VASH2: variants seen among roughly 807,000 people sequenced by gnomAD.
The protein encoded by VASH2 is tubulinyl-Tyr carboxypeptidase 2.
A neutral mutation model predicts 37.2 loss-of-function variants in VASH2; 28 were observed. The observed-to-expected ratio is 0.75, with a 90% confidence interval of 0.56 to 1.03. VASH2 has a LOEUF of 1.03. VASH2 is among the 50% of genes least tolerant of loss of function. VASH2 has a pLI of 0.00. For missense variants in VASH2, 419 were observed against 459.1 expected, an observed-to-expected ratio of 0.91 and a Z score of 0.80; for synonymous variants, 188 against 174.7, an observed-to-expected ratio of 1.08 and a Z score of -0.60.
Position 212,988,652 on chromosome 1 carries a change from G to C in VASH2, c.*68G>C. 1 of 1,474,712 alleles carries C rather than the reference G, an allele frequency of 6.8e-7. No individual in the cohort carries two copies. The highest frequency in any genetic ancestry group is 1.1e-5 in the South Asian group (1 of 87,492). 91.4% of individuals were successfully genotyped at this position (1,474,712 alleles called of 1,614,324 possible). On this transcript the variant is annotated 3_prime_UTR_variant, in exon 8 of 8. Coordinates refer to ENST00000517399, the MANE Select transcript of VASH2 (RefSeq NM_001301056.2). ...CTCTGCACTTTACCCAGCATCTTCAGGAGGAACTGCAACTATTTATTAAGA... is the reference window on the plus strand; with the variant it reads ...CTCTGCACTTTACCCAGCATCTTCACGAGGAACTGCAACTATTTATTAAGA...
intron 5 of VASH2, chr1:212,967,073 T>C: frequency 3.1e-6 from 4 of 1,301,284 alleles, no homozygotes; most frequent in Non-Finnish European, 4.1e-6. Context: ...GAGTGGCGTG[T>C]GGAGGAGACC....
chr1:212,989,166 G>A lies in VASH2; in HGVS notation c.*582G>A, dbSNP rs2075831367. On this transcript the variant is annotated 3_prime_UTR_variant, in exon 8 of 8. Coordinates refer to ENST00000517399, the MANE Select transcript of VASH2 (RefSeq NM_001301056.2). ...GTTTTTTCCTGGTGCACACACGTGA[G>A]GAGATTTAAGGTACTATATGCAAGT... 1 of 154,308 alleles carries A rather than the reference G, an allele frequency of 6.5e-6. No homozygotes were observed. Among genetic ancestry groups the A allele is most frequent in the African/African-American group, 2.4e-5 (1 of 41,442 alleles). The allele number at this position is 154,308 out of a possible 1,614,324, so 9.6% of individuals were successfully genotyped here.
rs1474423191 is a variant in VASH2 at position 212,950,929 on chromosome 1, G to GCC, written c.-205+191_-205+192dup. The stretch of plus-strand genomic sequence containing the variant: ...CCTTGCAAGCCAAGGCTGCTGCAGC[G>GCC]CCCTCGCGCCAGCTCTGGGCGCTCA... On this transcript the variant is annotated intron_variant, in intron 1 of 7. Coordinates refer to ENST00000517399, the MANE Select transcript of VASH2 (RefSeq NM_001301056.2). The surrounding 1 kb of genome is among the most constrained non-coding windows in gnomAD (Gnocchi z 5.5). Among the ~76,000 whole-genome samples the GCC allele has an allele frequency of 1.3e-5, 2 of 152,250 alleles. No homozygotes were observed. The highest frequency in any genetic ancestry group is 2.9e-5 in the Non-Finnish European group (2 of 68,042).
At chr1:212,954,504 T>G (rs1198756015) in intron 2 of VASH2, among the ~76,000 whole-genome samples, 1 of 152,162 alleles carries the variant, frequency 6.6e-6, no homozygotes, top group Admixed American at 6.5e-5. Context: ...CACTGCAACC[T>G]CCACCTCCCG....
At chr1:212,952,897 T>C (rs1416450805) in intron 2 of VASH2, 2 of 152,184 alleles carry the variant, frequency 1.3e-5, no homozygotes, top group Non-Finnish European at 2.9e-5. Flanking sequence ...GCCTCTAAAC[T>C]TCCTGCTGCA....
intron 2 of VASH2, among the ~76,000 whole-genome samples, chr1:212,958,049 G>A (rs1330799601): frequency 6.6e-6 from 1 of 152,238 alleles, no homozygotes; most frequent in Non-Finnish European, 1.5e-5. Context: ...GGCTTAGAGA[G>A]GTCATGCAGC....
At chr1:212,961,865 G>T (rs1408944599) in intron 3 of VASH2, among the ~76,000 whole-genome samples, 1 of 152,262 alleles carries the variant, frequency 6.6e-6, no homozygotes, top group Non-Finnish European at 1.5e-5. Context: ...CTCCCAAAGT[G>T]CTGGGATTAC....
At chr1:212,965,860 G>T (rs61832430) in intron 4 of VASH2, 82 bp downstream of exon 4, 1 of 1,357,482 alleles carries the variant, frequency 7.4e-7, no homozygotes, top group Non-Finnish European at 1.0e-6. Flanking sequence ...CTCTATTCCC[G>T]TAGCCCATGG....
At chr1:212,961,770 T>G (rs1221366543) in intron 3 of VASH2, among the ~76,000 whole-genome samples, 2 of 152,136 alleles carry the variant, frequency 1.3e-5, no homozygotes, top group East Asian at 3.9e-4. Context: ...ACCTGACTAA[T>G]TTTTGTATTT....
intron 3 of VASH2, chr1:212,961,497 C>G (rs1424086958): frequency 1.5e-6 from 1 of 668,672 alleles, no homozygotes; most frequent in Non-Finnish European, 2.3e-6. Context: ...CCCTCCTCTT[C>G]CCTGTCCTTT....
In VASH2 at chr1:212,991,085, G is replaced by A. The variant is rs1298920707; in HGVS notation, c.*2501G>A. ...TGTTTAAGCCATCATGGCAATATATGCAAAGTTTAAATGAATGACAGAAAT... is the reference window on the plus strand; with the variant it reads ...TGTTTAAGCCATCATGGCAATATATACAAAGTTTAAATGAATGACAGAAAT... On this transcript the variant is annotated 3_prime_UTR_variant, in exon 8 of 8. Transcript: ENST00000517399. The A allele has an allele frequency of 6.6e-6, 1 of 152,194 alleles. No homozygotes were observed. Among genetic ancestry groups the A allele is most frequent in the African/African-American group, 2.4e-5 (1 of 41,446 alleles). The allele number at this position is 152,194 out of a possible 1,614,324, so 9.4% of individuals were successfully genotyped here.
At chr1:212,961,364 G>C in intron 3 of VASH2, 110 bp downstream of exon 3, 1 of 1,578,262 alleles carries the variant, frequency 6.3e-7, no homozygotes, top group Non-Finnish European at 8.6e-7. Flanking sequence ...CTCTAAGGTT[G>C]GTGAGGCCAG....
In VASH2 at chr1:212,988,729, T is replaced by C; in HGVS notation, c.*145T>C. 1 of 883,054 alleles carries C rather than the reference T, an allele frequency of 1.1e-6. No individual in the cohort carries two copies. The allele number at this position is 883,054 out of a possible 1,614,324, so 54.7% of individuals were successfully genotyped here. On this transcript the variant is annotated 3_prime_UTR_variant, in exon 8 of 8. Coordinates refer to ENST00000517399, the MANE Select transcript of VASH2 (RefSeq NM_001301056.2). ...CACCTGGAAATAGAATCTGAGTGGG[T>C]GGTAACCATTAGCTTTAAAAAATTC...
intron 7 of VASH2, among the ~76,000 whole-genome samples, chr1:212,975,779 G>A (rs1667153421): frequency 6.6e-6 from 1 of 152,200 alleles, no homozygotes; most frequent in East Asian, 1.9e-4. Flanking sequence ...ATTCCCTGAG[G>A]AGCTCCCAAT....
chr1:212,973,497 TC>T lies in VASH2; in HGVS notation c.880-457del, dbSNP rs530287212. 68 of 1,290,782 alleles carry T rather than the reference TC, an allele frequency of 5.3e-5. 1 individual carries two copies. The African/African-American group carries it at 8.8e-4, about 17-fold the overall frequency. The allele number at this position is 1,290,782 out of a possible 1,614,324, so 80.0% of individuals were successfully genotyped here. On this transcript the variant is annotated intron_variant, in intron 6 of 7. Coordinates refer to ENST00000517399, the MANE Select transcript of VASH2 (RefSeq NM_001301056.2). ...GCTATGTTTAGCACTTGTGGACTTG[TC>T]ATCTTCACTCTGCAGGACCTGGAGT... is the stretch of plus-strand genomic sequence containing the variant.
At chr1:212,965,698 T>C in intron 3 of VASH2, 24 bp from the exon 4 acceptor site, 2 of 1,545,500 alleles carry the variant, frequency 1.3e-6, no homozygotes, top group Non-Finnish European at 1.8e-6. Context: ...TTTCTGTCAC[T>C]TTCCCTTTAC....
Position 212,988,852 on chromosome 1 carries a change from T to A in VASH2, c.*268T>A, listed in dbSNP as rs922618889. 1.2e-5 allele frequency: 5 copies of A among 408,072 alleles called. No individual in the cohort carries two copies. The highest frequency in any genetic ancestry group is 1.0e-4 in the African/African-American group (5 of 50,176). The allele number at this position is 408,072 out of a possible 1,614,324, so 25.3% of individuals were successfully genotyped here. A position where few individuals can be genotyped will look rare whatever the true frequency, so the allele number is the denominator to read the frequency against. The stretch of plus-strand genomic sequence containing the variant: ...TTAAGGATAACCGTAACTGAAGTTT[T>A]ATATTTTTCCATTTACCTACTTTCT... On this transcript the variant is annotated 3_prime_UTR_variant, in exon 8 of 8. Coordinates refer to ENST00000517399, the MANE Select transcript of VASH2 (RefSeq NM_001301056.2).
At chr1:212,984,269 C>T (rs1558153210) in intron 7 of VASH2, among the ~76,000 whole-genome samples, 1 of 152,128 alleles carries the variant, frequency 6.6e-6, no homozygotes, top group Non-Finnish European at 1.5e-5. Flanking sequence ...AAGAAACACA[C>T]AAACTACAAA....
intron 2 of VASH2, among the ~76,000 whole-genome samples, chr1:212,955,988 C>G (rs1666477326): frequency 6.6e-6 from 1 of 152,216 alleles, no homozygotes; most frequent in Non-Finnish European, 1.5e-5. Flanking sequence ...TCTTCCCAAG[C>G]TGCCAAAGAA....
Sources: allele counts gnomAD v4.1 joint callset (sites outside exome capture counted in the v4.1 genomes callset), GRCh38; gene constraint gnomAD v4.1.1; non-coding constraint Gnocchi (gnomAD v3.1); transcripts MANE v1.5; gene names NCBI Gene and HGNC (gene_info 2026-07-23, HGNC 2026-07-21).